The following ATRX variants were observed in gnomAD, a reference collection of about 807,000 sequenced individuals.
ATRX encodes the protein chromatin remodeler ATRX.
In ATRX, 12 loss-of-function variants were observed where a neutral mutation model predicts 172.6. That is an observed-to-expected ratio of 0.07 (90% CI 0.04 to 0.11). The LOEUF is 0.11. Among genes scored for constraint, ATRX ranks in the 10% least tolerant of loss-of-function variants. ATRX has a pLI of 1.00. For missense variants in ATRX, 1,368 were observed against 1,767.4 expected (o/e 0.77, Z 4.05); for synonymous variants, 674 against 594.7 (o/e 1.13, Z -1.94).
At chrX:77,622,227 G>C (rs782463925) in intron 19 of ATRX, among the ~76,000 whole-genome samples, 1 of 111,862 alleles carries the variant, frequency 8.9e-6, no homozygotes, top group African/African-American at 3.3e-5. Flanking sequence ...TCTGCAGCAC[G>C]GTTTGTTACG....
chrX:77,523,566 A>G (rs1557042548), intron 30 of ATRX, among the ~76,000 whole-genome samples, 165 bp from the exon 31 acceptor site: 1 of 112,060 alleles, frequency 8.9e-6, no homozygotes, highest in African/African-American at 3.2e-5. Flanking sequence ...AACATGTAAC[A>G]CCAGCCTCTT....
intron 30 of ATRX, among the ~76,000 whole-genome samples, chrX:77,533,678 G>A (rs1156383559): frequency 2.7e-5 from 3 of 111,223 alleles, no homozygotes; most frequent in African/African-American, 9.8e-5. Context: ...AATGGATGCT[G>A]AGCTTAATAC....
At chrX:77,726,681 C>G (rs781858330) in intron 1 of ATRX, among the ~76,000 whole-genome samples, 21 of 111,502 alleles carry the variant, frequency 1.9e-4, no homozygotes, top group Non-Finnish European at 1.9e-5. Context: ...ATTCACATAA[C>G]TACAAAAGGA....
Position 77,682,148 on chromosome X carries a change from C to A in ATRX, c.3108G>T (p.Lys1036Asn), listed in dbSNP as rs2148581540. 8.3e-7 allele frequency: 1 copy of A among 1,211,027 alleles called. No homozygotes were observed. The highest frequency in any genetic ancestry group is 2.3e-4 in the Middle Eastern group (1 of 4,352). The stretch of plus-strand genomic sequence containing the variant: ...TCTTTTCTCCATCAGTTGTTCCATT[C>A]TTAATTTGTTTTATGCCCTTAGGAA... The part of the protein sequence containing the change: ...CHFPKGIKQI[K>N]NGTTDGEKKS... Residue 1036 changes from lysine to asparagine, a missense_variant, in exon 9 of 35, where the codon AAG (lysine) becomes AAT (asparagine). Physicochemically the swap from Lys to Asn is moderately conservative, Grantham distance 94 (BLOSUM62 0). Coordinates refer to ENST00000373344, the MANE Select transcript of ATRX (RefSeq NM_000489.6).
At chrX:77,603,991 T>A (rs1445336960) in intron 22 of ATRX, among the ~76,000 whole-genome samples, 2 of 112,022 alleles carry the variant, frequency 1.8e-5, no homozygotes, top group African/African-American at 6.5e-5. Flanking sequence ...TCAAGATAGA[T>A]TAAAGACTTA....
intron 5 of ATRX, among the ~76,000 whole-genome samples, chrX:77,694,412 T>C (rs1162521036): frequency 2.7e-5 from 3 of 111,173 alleles, no homozygotes; most frequent in Admixed American, 9.6e-5. Context: ...GGGAGGGGTA[T>C]TGGTGGGGGA....
chrX:77,567,845 A>T (rs782554592), intron 28 of ATRX, among the ~76,000 whole-genome samples: 3 of 111,534 alleles, frequency 2.7e-5, no homozygotes, highest in Non-Finnish European at 5.7e-5. Context: ...CATACAGATT[A>T]TATTTCCTGA....
chrX:77,657,402 G>A (rs2069610459), intron 12 of ATRX, among the ~76,000 whole-genome samples: 1 of 110,753 alleles, frequency 9.0e-6, no homozygotes, highest in African/African-American at 3.3e-5. Context: ...GAGGAAGCAG[G>A]GCAGAAAAAA....
chrX:77,536,414 G>C (rs1206397833), intron 30 of ATRX, among the ~76,000 whole-genome samples: 1 of 111,418 alleles, frequency 9.0e-6, no homozygotes, highest in Non-Finnish European at 1.9e-5. Context: ...AGAGACAAAA[G>C]TGAGGTATTC....
intron 2 of ATRX, among the ~76,000 whole-genome samples, chrX:77,715,358 T>C (rs1309538254): frequency 8.9e-6 from 1 of 111,956 alleles, no homozygotes; most frequent in Admixed American, 9.5e-5. Flanking sequence ...CACAGGTTTG[T>C]AGCCTATGAG....
chrX:77,581,051 C>CA (rs1360928779), intron 27 of ATRX, among the ~76,000 whole-genome samples: 3 of 110,595 alleles, frequency 2.7e-5, no homozygotes, highest in African/African-American at 9.8e-5. Context: ...AGCCACAAAC[C>CA]AAAAAACATA....
At chrX:77,717,264 G>T (rs202181116) in intron 1 of ATRX, 21 bp from the exon 2 acceptor site, 2 of 1,113,996 alleles carry the variant, frequency 1.8e-6, no homozygotes, top group Admixed American at 2.2e-5. Context: ...AAAATTTAAA[G>T]AATTCCCTTA....
In ATRX at chrX:77,505,532, T is replaced by A. The variant is rs1421091589; in HGVS notation, c.*2819A>T. 2 of 172,737 alleles carry A rather than the reference T, an allele frequency of 1.2e-5. No homozygotes were observed. Among genetic ancestry groups the A allele is most frequent in the African/African-American group, 3.0e-5 (1 of 33,676 alleles). The allele number at this position is 172,737 out of a possible 1,213,427, so 14.2% of individuals were successfully genotyped here. On this transcript the variant is annotated 3_prime_UTR_variant, in exon 35 of 35. Transcript: ENST00000373344. The stretch of plus-strand genomic sequence containing the variant: ...TGTAAATTCTTTTTGAGATGAGAGA[T>A]CTCCCTTTACAGAATTTAGTATATA...
intron 30 of ATRX, among the ~76,000 whole-genome samples, chrX:77,542,429 G>T (rs1456658846): frequency 1.8e-5 from 2 of 111,693 alleles, no homozygotes; most frequent in African/African-American, 6.5e-5. Flanking sequence ...TCCCCATCAA[G>T]CTACCACTGA....
rs183490441 is a variant in ATRX, at chrX:77,719,855, T to C, written c.21-2612A>G. 1.7e-4 allele frequency among the ~76,000 whole-genome samples: 19 copies of C among 111,785 alleles called. No homozygotes were observed. The East Asian group carries it at 4.2e-3, about 25-fold the overall frequency. On this transcript the variant is annotated intron_variant, in intron 1 of 34. Transcript: ENST00000373344. ...GACCTAACAGACATCTACAGAACTC[T>C]TGACCCCAAAGCAACAGAATATACA...
At chrX:77,716,342 A>ATATATATATC (rs2073423531) in intron 2 of ATRX, among the ~76,000 whole-genome samples, 1 of 91,265 alleles carries the variant, frequency 1.1e-5, no homozygotes, top group African/African-American at 4.0e-5. Flanking sequence ...ATATATATAT[A>ATATATATATC]TATATATCTT....
At chrX:77,549,715 T>C (rs782745088) in intron 30 of ATRX, among the ~76,000 whole-genome samples, 1 of 112,441 alleles carries the variant, frequency 8.9e-6, no homozygotes, top group Admixed American at 9.4e-5. Context: ...GTAGAGATGA[T>C]TCAGGAGGCC....
chrX:77,776,926 A>C (rs782570107), intron 1 of ATRX, among the ~76,000 whole-genome samples: 1 of 111,294 alleles, frequency 9.0e-6, no homozygotes, highest in East Asian at 2.8e-4. Flanking sequence ...AATAATCAGC[A>C]AACTCTTTCA....
At chrX:77,599,226 G>A (rs1297549124) in intron 25 of ATRX, among the ~76,000 whole-genome samples, 185 bp downstream of exon 25, 7 of 111,598 alleles carry the variant, frequency 6.3e-5, no homozygotes, top group Non-Finnish European at 3.8e-5. Context: ...AGAGCACAGA[G>A]TAGCTTGCTT....
Sources: gnomAD v4.1 joint callset for allele counts (sites outside exome capture counted in the v4.1 genomes callset) on GRCh38, gnomAD v4.1.1 for gene constraint, MANE v1.5 for transcripts, NCBI Gene and HGNC (gene_info 2026-07-23, HGNC 2026-07-21) for gene names.